Variants in RSF1 observed in about 807,000 individuals in gnomAD.
RSF1 encodes the protein HBV pX-associated protein 8.
In RSF1, 13 loss-of-function variants were observed where a neutral mutation model predicts 145.2. The ratio of observed to expected loss-of-function variants is 0.09; its 90% CI spans 0.06 to 0.14. RSF1 has a LOEUF of 0.14. RSF1 is among the 10% of genes least tolerant of loss of function. The pLI is 1.00. For missense variants in RSF1, 1,517 were observed against 1,718.2 expected (o/e 0.88, Z 2.07); for synonymous variants, 577 against 592.6 (o/e 0.97, Z 0.38).
intron 1 of RSF1, among the ~76,000 whole-genome samples, chr11:77,808,259 A>C (rs1948697391): frequency 6.6e-6 from 1 of 151,878 alleles, no homozygotes; most frequent in African/African-American, 2.4e-5. Flanking sequence ...ACTTGAACCC[A>C]AGGTGGAGGT....
chr11:77,731,274 T>C (rs1961201375), intron 4 of RSF1, among the ~76,000 whole-genome samples: 1 of 152,168 alleles, frequency 6.6e-6, no homozygotes, highest in Admixed American at 6.5e-5. Context: ...TTGTGGAACT[T>C]TGAACATGAA....
intron 3 of RSF1, among the ~76,000 whole-genome samples, chr11:77,741,373 T>C (rs1947934942): frequency 6.6e-6 from 1 of 152,016 alleles, no homozygotes; most frequent in African/African-American, 2.4e-5. Flanking sequence ...TGAAACCCTG[T>C]CTCTACAAAA....
At position 77,672,223 on chromosome 11, in the gene RSF1, G is replaced by C. The variant is rs146666489; in HGVS notation, c.3570C>G (p.Asp1190Glu). The C allele has an allele frequency of 1.7e-4, 266 of 1,590,076 alleles. 1 individual carries two copies. In the African/African-American group the frequency reaches 3.1e-3, roughly 19 times the overall value. ...AATCATCACTAAAATCATCACTGAA[G>C]TCACTTTCTATTTTAAAAAAAGGAA... Reference protein sequence around the residue: ...SEENSRDSESDFSDDFSDDFV... With the variant: ...SEENSRDSESEFSDDFSDDFV... The change falls in exon 15 of 16, where the codon GAC becomes GAG. Residue 1190 changes from aspartate to glutamate, a missense_variant. Around this residue, in one of 12 missense-constraint regions of RSF1, gnomAD observed 231 missense variants for 276.6 expected, o/e 0.84. Transcript: ENST00000308488.
chr11:77,753,369 C>T (rs868541443), intron 2 of RSF1, among the ~76,000 whole-genome samples: 3 of 152,156 alleles, frequency 2.0e-5, no homozygotes, highest in Admixed American at 6.5e-5. Context: ...TGGGCTTAAA[C>T]TTTGGGAGAC....
the RSF1 span, among the ~76,000 whole-genome samples, chr11:77,852,459 C>G: frequency 1.3e-5 from 2 of 152,030 alleles, no homozygotes; most frequent in African/African-American, 2.4e-5. Flanking sequence ...CTATGACAGT[C>G]ACTTGCTGTT....
intron 4 of RSF1, among the ~76,000 whole-genome samples, chr11:77,732,103 G>A (rs577799359): frequency 5.9e-5 from 9 of 152,174 alleles, no homozygotes; most frequent in Non-Finnish European, 1.2e-4. Context: ...GTACAGGGGC[G>A]CAGCTGCCCA....
intron 7 of RSF1, among the ~76,000 whole-genome samples, chr11:77,693,888 C>T (rs543390415): frequency 6.6e-6 from 1 of 152,010 alleles, no homozygotes; most frequent in Non-Finnish European, 1.5e-5. Context: ...GGGTTCAAGT[C>T]ATTCTCCTGC....
chr11:77,820,548 G>A lies in RSF1; in HGVS notation c.167C>T (p.Pro56Leu), dbSNP rs1329429077. 21 of 1,549,098 alleles carry A rather than the reference G, an allele frequency of 1.4e-5. No individual in the cohort carries two copies. Among genetic ancestry groups the A allele is most frequent in the African/African-American group, 2.7e-5 (2 of 73,082 alleles). The change falls in exon 1 of 16, where the codon CCG (proline) becomes CTG (leucine). Residue 56 changes from proline to leucine, a missense_variant. Around this residue, in one of 12 missense-constraint regions of RSF1, gnomAD observed 85 missense variants for 91.8 expected, o/e 0.93. Coordinates refer to ENST00000308488, the MANE Select transcript of RSF1 (RefSeq NM_016578.4). ...CTTACCTTCTCCGTTGCCGACGTCC[G>A]GCGGCGGCGCCTGCAGCACCCGCTC... ...ELERVLQAPP[P>L]DVGNGEVPKE...
chr11:77,734,314 G>C (rs1961283983), intron 4 of RSF1, among the ~76,000 whole-genome samples: 1 of 151,040 alleles, frequency 6.6e-6, no homozygotes, highest in South Asian at 2.1e-4. Context: ...TTTTTGGGGG[G>C]GGGTACCAAA....
Position 77,663,404 on chromosome 11 carries a change from T to C in RSF1, c.*3513A>G, listed in dbSNP as rs760640479. The C allele has an allele frequency of 7.2e-5, 11 of 152,292 alleles. No individual in the cohort carries two copies. The highest frequency in any genetic ancestry group is 4.6e-4 in the Admixed American group (7 of 15,292). The allele number at this position is 152,292 out of a possible 1,614,324, so 9.4% of individuals were successfully genotyped here. The stretch of plus-strand genomic sequence containing the variant: ...ATATTATAGGATGGGTTTCATCAAC[T>C]AAAAAGTAAAAACTGGGTACGTGTA... On this transcript the variant is annotated 3_prime_UTR_variant, in exon 16 of 16. Coordinates refer to ENST00000308488, the MANE Select transcript of RSF1 (RefSeq NM_016578.4).
At chr11:77,823,602 A>T (rs1949033677), upstream of RSF1, among the ~76,000 whole-genome samples, 1 of 130,040 alleles carries the variant, frequency 7.7e-6, no homozygotes, top group South Asian at 2.6e-4. Flanking sequence ...AGCCTGGGCG[A>T]CAGAACTACA....
chr11:77,741,785 G>C (rs1313992091), intron 3 of RSF1, among the ~76,000 whole-genome samples: 2 of 152,004 alleles, frequency 1.3e-5, no homozygotes, highest in Non-Finnish European at 2.9e-5. Context: ...TTATACAACT[G>C]ATCTCCTGAA....
chr11:77,778,569 A>C (rs1590881735), intron 1 of RSF1, among the ~76,000 whole-genome samples: 1 of 152,004 alleles, frequency 6.6e-6, no homozygotes, highest in East Asian at 1.9e-4. Flanking sequence ...TTCTTGGCAA[A>C]CTCTTGCACT....
rs567475329 is a variant in RSF1 at position 77,717,110 on chromosome 11, G to A, written c.733+8435C>T. On this transcript the variant is annotated intron_variant, in intron 5 of 15. Coordinates refer to ENST00000308488, the MANE Select transcript of RSF1 (RefSeq NM_016578.4). Reference sequence around the variant, plus strand: ...GAAGGATCACTTGAGCCCAGGAGGTGGGGGTTGCAGTGAGCCAAGATCGCA... The same window carrying A: ...GAAGGATCACTTGAGCCCAGGAGGTAGGGGTTGCAGTGAGCCAAGATCGCA... 8.6e-5 allele frequency among the ~76,000 whole-genome samples: 13 copies of A among 151,040 alleles called. No homozygotes were observed. The South Asian group carries it at 2.7e-3, about 32-fold the overall frequency.
chr11:77,714,314 A>G (rs1159201370), intron 5 of RSF1, among the ~76,000 whole-genome samples: 2 of 152,134 alleles, frequency 1.3e-5, no homozygotes, highest in Non-Finnish European at 2.9e-5. Context: ...TTTTGTTGTT[A>G]CCATCAATAT....
intron 3 of RSF1, among the ~76,000 whole-genome samples, chr11:77,742,560 G>A (rs1007588427): frequency 6.6e-5 from 10 of 151,986 alleles, no homozygotes; most frequent in African/African-American, 1.7e-4. Flanking sequence ...TTACAGGCAT[G>A]AGCCACTGCA....
At chr11:77,758,428 A>T (rs933000648) in intron 2 of RSF1, among the ~76,000 whole-genome samples, 1 of 152,172 alleles carries the variant, frequency 6.6e-6, no homozygotes, top group African/African-American at 2.4e-5. Context: ...GCATACAAAG[A>T]TCTGCTTGAG....
chr11:77,768,101 ATT>A (rs1396614556), intron 1 of RSF1, among the ~76,000 whole-genome samples: 1 of 151,468 alleles, frequency 6.6e-6, no homozygotes, highest in African/African-American at 2.4e-5. Context: ...GTTAAAATTA[ATT>A]TTAATAATAT....
At chr11:77,767,181 C>T (rs562098737) in intron 1 of RSF1, among the ~76,000 whole-genome samples, 1 of 152,122 alleles carries the variant, frequency 6.6e-6, no homozygotes, top group African/African-American at 2.4e-5. Flanking sequence ...ATATAAAATA[C>T]TTTTATTTCT....
Sources: allele counts gnomAD v4.1 joint callset (sites outside exome capture counted in the v4.1 genomes callset), GRCh38; gene constraint gnomAD v4.1.1; regional missense constraint gnomAD v4.1.1; transcripts MANE v1.5; gene names NCBI Gene and HGNC (gene_info 2026-07-23, HGNC 2026-07-21).